The following POLQ variants were observed in gnomAD, a reference collection of about 807,000 sequenced individuals.
POLQ encodes DNA polymerase theta, also known as epididymis secretory sperm binding protein.
In POLQ, 233 loss-of-function variants were observed where a neutral mutation model predicts 259.2. The ratio of observed to expected loss-of-function variants is 0.90; its 90% CI spans 0.81 to 1.00. The LOEUF is 1.00. Among genes scored for constraint, POLQ ranks in the 50% least tolerant of loss-of-function variants. The pLI is 0.00. For missense variants in POLQ, 2,871 were observed against 3,051.6 expected, an observed-to-expected ratio of 0.94 and a Z score of 1.39; for synonymous variants, 1,025 against 1,048.8, an observed-to-expected ratio of 0.98 and a Z score of 0.44.
intron 20 of POLQ, 57 bp from the exon 21 acceptor site, chr3:121,473,544 A>T: frequency 7.1e-7 from 1 of 1,418,020 alleles, no homozygotes; most frequent in Non-Finnish European, 9.8e-7. Flanking sequence ...ATTATCATTC[A>T]GAAAATATTT....
At chr3:121,534,167 C>T (rs960584230) in intron 5 of POLQ, among the ~76,000 whole-genome samples, 5 of 152,110 alleles carry the variant, frequency 3.3e-5, no homozygotes, top group Admixed American at 1.3e-4. Context: ...TGAGCCACCA[C>T]GCCCAGCCGA....
intron 12 of POLQ, among the ~76,000 whole-genome samples, chr3:121,508,016 A>ATTTTTTTTTTTT (rs4048669): frequency 1.5e-5 from 2 of 129,646 alleles, no homozygotes; most frequent in Non-Finnish European, 3.2e-5. Context: ...ACCATACACA[A>ATTTTTTTTTTTT]TTTTTTTTTT....
At chr3:121,544,036 T>G (rs2048510576) in intron 2 of POLQ, among the ~76,000 whole-genome samples, 1 of 151,786 alleles carries the variant, frequency 6.6e-6, no homozygotes, top group African/African-American at 2.4e-5. Flanking sequence ...TTACTTGTTG[T>G]TTGTATATAC....
At chr3:121,484,941 C>T in intron 17 of POLQ, 100 bp downstream of exon 17, 2 of 941,322 alleles carry the variant, frequency 2.1e-6, no homozygotes, top group South Asian at 2.1e-5. Context: ...AAAATAAATC[C>T]TAGGTAAATA....
At chr3:121,437,030 A>AG (rs935133570) in intron 27 of POLQ, among the ~76,000 whole-genome samples, 17 of 152,192 alleles carry the variant, frequency 1.1e-4, no homozygotes, top group Middle Eastern at 3.4e-3. Flanking sequence ...ACTCCAGGGA[A>AG]GGGGGTCAAT....
At chr3:121,491,963 C>T (rs185795486) in intron 15 of POLQ, among the ~76,000 whole-genome samples, 32 of 152,328 alleles carry the variant, frequency 2.1e-4, no homozygotes, top group Admixed American at 2.0e-4. Context: ...ATCTAGGTTG[C>T]GTGCTCCTTA....
In POLQ at chr3:121,511,877, T is replaced by C; in HGVS notation, c.1611+10A>G. The C allele has an allele frequency of 1.9e-6, 3 of 1,593,558 alleles. No homozygotes were observed. Among genetic ancestry groups the C allele is most frequent in the Non-Finnish European group, 2.6e-6 (3 of 1,171,938 alleles). ...AAGAGCAAATGGTAATTTAGTAAAT[T>C]CTCTCTTACCTCCAGAATAGCTCGT... On this transcript the variant is annotated intron_variant, in intron 10 of 29. Transcript: ENST00000264233.
chr3:121,455,454 T>G (rs1400647244), intron 25 of POLQ, among the ~76,000 whole-genome samples: 1 of 150,062 alleles, frequency 6.7e-6, no homozygotes, highest in Non-Finnish European at 1.5e-5. Flanking sequence ...GCTGGTTTTT[T>G]GAAAGGATCA....
chr3:121,545,758 G>A lies in POLQ; in HGVS notation c.120C>T (p.Ser40=). The change falls in exon 1 of 30, where the codon AGC becomes AGT. Residue 40 remains serine (S), a synonymous_variant. Transcript: ENST00000264233. ...GGCAGCGACCAAGGCCGGGCGGCGG[G>A]CTCAGCACGGACCCGGAGAGGAACT... The part of the protein sequence containing the change: ...SPQFLSGSVL[S]PPPGLGRCLK... The A allele has an allele frequency of 1.2e-6, 2 of 1,600,782 alleles. No individual in the cohort carries two copies. Among genetic ancestry groups the A allele is most frequent in the Non-Finnish European group, 8.5e-7 (1 of 1,174,088 alleles).
intron 5 of POLQ, 113 bp downstream of exon 5, chr3:121,536,987 A>C: frequency 3.1e-6 from 2 of 652,926 alleles, no homozygotes; most frequent in Non-Finnish European, 5.5e-6. Context: ...AAGTTTTCTC[A>C]ATAAGAAAAA....
In POLQ at chr3:121,490,267, C is replaced by T; in HGVS notation, c.2664G>A (p.Gln888=). ...LIVEEARMIL[Q]QDLVEMGVQW... Reference sequence around the variant, plus strand: ...GCACTCCCATTTCAACTAAGTCCTGCTGCAGAATCATTCTGGCTTCTTCCA... The same window carrying T: ...GCACTCCCATTTCAACTAAGTCCTGTTGCAGAATCATTCTGGCTTCTTCCA... The change falls in exon 16 of 30, where the codon CAG becomes CAA. Residue 888 remains glutamine (Q), a synonymous_variant. Coordinates refer to ENST00000264233, the MANE Select transcript of POLQ (RefSeq NM_199420.4). The T allele has an allele frequency of 6.2e-7, 1 of 1,614,178 alleles. No homozygotes were observed. Among genetic ancestry groups the T allele is most frequent in the Non-Finnish European group, 8.5e-7 (1 of 1,180,000 alleles).
intron 20 of POLQ, among the ~76,000 whole-genome samples, chr3:121,475,587 A>G (rs1486222347): frequency 6.6e-6 from 1 of 152,192 alleles, no homozygotes; most frequent in Non-Finnish European, 1.5e-5. Flanking sequence ...CAACACAAAT[A>G]TCTCAAGTTA....
Position 121,493,824 on chromosome 3 carries a change from A to G in POLQ, c.2279-103T>C. 2.7e-6 allele frequency: 3 copies of G among 1,111,316 alleles called. No homozygotes were observed. In the Admixed American group the frequency reaches 8.0e-5, roughly 30 times the overall value. 68.8% of individuals were successfully genotyped at this position (1,111,316 alleles called of 1,614,324 possible). A position where few individuals can be genotyped will look rare whatever the true frequency, so the allele number is the denominator to read the frequency against. ...TTTTCTTTTGTTTTTTCCCTGCAAA[A>G]TTGTAAGATTTAACAAGGCCCAAGG... On this transcript the variant is annotated intron_variant, in intron 14 of 29. Transcript: ENST00000264233.
At chr3:121,452,895 T>A (rs557753138) in intron 25 of POLQ, among the ~76,000 whole-genome samples, 1 of 152,208 alleles carries the variant, frequency 6.6e-6, no homozygotes, top group Non-Finnish European at 1.5e-5. Flanking sequence ...GTGGTTCTCC[T>A]AGCACGCAGC....
chr3:121,526,374 T>C (rs1438484704), intron 7 of POLQ, among the ~76,000 whole-genome samples: 1 of 152,342 alleles, frequency 6.6e-6, no homozygotes, highest in African/African-American at 2.4e-5. Flanking sequence ...TTAGCTGTTT[T>C]ATAGACATGA....
rs747544698 is a variant in POLQ, at chr3:121,544,878, G to A, written c.192C>T (p.Tyr64=). The change falls in exon 2 of 30, where the codon TAC becomes TAT. Residue 64 remains tyrosine (Y), a synonymous_variant. Coordinates refer to ENST00000264233, the MANE Select transcript of POLQ (RefSeq NM_199420.4). ...TTGCCAATAGTAGCTTGTCTCTTTC[G>A]TAGTCAGGAACTGTAGGCTTGCATT... The part of the protein sequence containing the change: ...AGECKPTVPD[Y]ERDKLLLANW... 22 of 1,608,412 alleles carry A rather than the reference G, an allele frequency of 1.4e-5. No individual in the cohort carries two copies. In the East Asian group the frequency reaches 2.9e-4, roughly 21 times the overall value.
intron 12 of POLQ, among the ~76,000 whole-genome samples, chr3:121,503,194 A>G (rs1182595342): frequency 6.6e-6 from 1 of 152,244 alleles, no homozygotes; most frequent in Non-Finnish European, 1.5e-5. Flanking sequence ...ACAACTGCCT[A>G]CAGTACTCAG....
intron 19 of POLQ, among the ~76,000 whole-genome samples, chr3:121,478,576 TAAAAAAAAAAAAA>T (rs143898506): frequency 5.2e-5 from 4 of 77,400 alleles, no homozygotes; most frequent in Non-Finnish European, 4.8e-5. Flanking sequence ...GGCAAATTTG[TAAAAAAAAAAAAA>T]AAAAAAAAAA....
At chr3:121,463,409 C>G (rs1285555162) in intron 24 of POLQ, among the ~76,000 whole-genome samples, 1 of 152,176 alleles carries the variant, frequency 6.6e-6, no homozygotes, top group Non-Finnish European at 1.5e-5. Flanking sequence ...ATCACCCAGT[C>G]TCAGGTAGGT....
Sources: gnomAD v4.1 joint callset for allele counts (sites outside exome capture counted in the v4.1 genomes callset) on GRCh38, gnomAD v4.1.1 for gene constraint, MANE v1.5 for transcripts, NCBI Gene and HGNC (gene_info 2026-07-23, HGNC 2026-07-21) for gene names.